FSTL5: variants seen among roughly 807,000 people sequenced by gnomAD.
The protein encoded by FSTL5 is follistatin-related protein 5.
FSTL5 carries 62 observed loss-of-function variants against 89.1 expected under a neutral mutation model. The observed-to-expected ratio is 0.70, with a 90% CI of 0.57 to 0.86. FSTL5 has a LOEUF of 0.86. Among genes scored for constraint, FSTL5 ranks in the 40% least tolerant of loss-of-function variants. The pLI is 0.00. For synonymous variants in FSTL5, 383 were observed against 346.2 expected, an observed-to-expected ratio of 1.11 and a Z score of -1.18; for missense variants, 1,057 against 1,001.6, an observed-to-expected ratio of 1.06 and a Z score of -0.75.
intron 4 of FSTL5, among the ~76,000 whole-genome samples, chr4:161,822,288 T>G (rs989859031): frequency 6.6e-6 from 1 of 152,184 alleles, no homozygotes; most frequent in South Asian, 2.1e-4. Flanking sequence ...CACAGGCCTA[T>G]TGGGCTTGTT....
intron 1 of FSTL5, among the ~76,000 whole-genome samples, chr4:162,126,302 A>G (rs1027672311): frequency 6.6e-6 from 1 of 152,022 alleles, no homozygotes; most frequent in Non-Finnish European, 1.5e-5. Context: ...TTAATATTAA[A>G]ATTATTAATT....
intron 13 of FSTL5, among the ~76,000 whole-genome samples, chr4:161,476,397 G>A (rs1734152200): frequency 6.6e-6 from 1 of 151,912 alleles, no homozygotes; most frequent in Non-Finnish European, 1.5e-5. Context: ...ATGTTGGTTA[G>A]GTTGGTCTCG....
intron 3 of FSTL5, among the ~76,000 whole-genome samples, chr4:161,976,669 G>C (rs1333938920): frequency 1.3e-5 from 2 of 152,012 alleles, no homozygotes; most frequent in Non-Finnish European, 2.9e-5. Flanking sequence ...TTTTAGTAGA[G>C]ACGGGGTTTC....
intron 7 of FSTL5, among the ~76,000 whole-genome samples, chr4:161,649,059 C>T (rs1736246712): frequency 6.6e-6 from 1 of 152,110 alleles, no homozygotes; most frequent in Non-Finnish European, 1.5e-5. Context: ...ATGCAAATAA[C>T]AAAAATTCTA....
At chr4:162,126,326 T>C (rs2111446260) in intron 1 of FSTL5, among the ~76,000 whole-genome samples, 1 of 152,202 alleles carries the variant, frequency 6.6e-6, no homozygotes, top group South Asian at 2.1e-4. Context: ...ATAATAACTT[T>C]ATTAAAATCT....
At chr4:161,759,601 T>C (rs1158126663) in intron 5 of FSTL5, 70 bp from the exon 6 acceptor site, 9 of 979,878 alleles carry the variant, frequency 9.2e-6, no homozygotes, top group South Asian at 2.5e-5. Flanking sequence ...ATTTATTATA[T>C]GTAATAATCA....
intron 4 of FSTL5, among the ~76,000 whole-genome samples, chr4:161,842,022 G>A (rs544883391): frequency 7.0e-4 from 106 of 152,236 alleles, no homozygotes; most frequent in African/African-American, 1.9e-3. Context: ...CCAACAGAGC[G>A]AGGACACCTT....
chr4:161,487,280 T>TTA (rs1319472064), intron 12 of FSTL5, among the ~76,000 whole-genome samples: 2 of 152,176 alleles, frequency 1.3e-5, no homozygotes, highest in Non-Finnish European at 2.9e-5. Context: ...GTGGTGTATG[T>TTA]TACTCAATCA....
chr4:162,009,598 A>G lies in FSTL5; in HGVS notation c.160+24027T>C, dbSNP rs532839209. On this transcript the variant is annotated intron_variant, in intron 3 of 15. Coordinates refer to ENST00000306100, the MANE Select transcript of FSTL5 (RefSeq NM_020116.5). ...CCTTTAAATTACCAGTGGACAATAT[A>G]AGAGAAAATAATACATCTTAATATA... is the stretch of plus-strand genomic sequence containing the variant. 5.3e-5 allele frequency among the ~76,000 whole-genome samples: 8 copies of G among 152,212 alleles called. No homozygotes were observed. The South Asian group carries it at 1.7e-3, about 32-fold the overall frequency.
rs534630893 is a variant in FSTL5 at position 161,724,642 on chromosome 4, C to A, written c.727+34769G>T. ...TCTATGTCTGAATGCAATAGAAAGA[C>A]AATCACACATATACAATTATTCAGT... is the stretch of plus-strand genomic sequence containing the variant. On this transcript the variant is annotated intron_variant, in intron 6 of 15. Coordinates refer to ENST00000306100, the MANE Select transcript of FSTL5 (RefSeq NM_020116.5). Among the ~76,000 whole-genome samples, 32 of 152,236 alleles carry A rather than the reference C, an allele frequency of 2.1e-4. No homozygotes were observed. The South Asian group carries it at 4.4e-3, about 21-fold the overall frequency.
chr4:161,663,754 C>T (rs574528852), intron 6 of FSTL5, among the ~76,000 whole-genome samples: 2 of 152,306 alleles, frequency 1.3e-5, no homozygotes, highest in African/African-American at 4.8e-5. Context: ...TGTGTGGGGG[C>T]TCCAACCCCA....
intron 2 of FSTL5, among the ~76,000 whole-genome samples, chr4:162,062,330 A>T (rs1738748501): frequency 6.6e-6 from 1 of 152,006 alleles, no homozygotes; most frequent in African/African-American, 2.4e-5. Context: ...CTGTATATAC[A>T]GAAAGAGAAA....
At chr4:162,110,068 T>C (rs1731374460) in intron 2 of FSTL5, among the ~76,000 whole-genome samples, 1 of 152,026 alleles carries the variant, frequency 6.6e-6, no homozygotes, top group Non-Finnish European at 1.5e-5. Flanking sequence ...CTAGATACTT[T>C]AAAAACTTAT....
At chr4:161,876,837 ATGT>A (rs535345955) in intron 4 of FSTL5, among the ~76,000 whole-genome samples, 2 of 152,240 alleles carry the variant, frequency 1.3e-5, no homozygotes, top group South Asian at 4.1e-4. Context: ...AAAGTGCACA[ATGT>A]TGTTATAAAC....
chr4:161,681,060 A>C (rs1737501971), intron 6 of FSTL5, among the ~76,000 whole-genome samples: 2 of 152,104 alleles, frequency 1.3e-5, no homozygotes, highest in African/African-American at 4.8e-5. Context: ...TACATGAGCG[A>C]GTAGCTGTGG....
chr4:161,464,179 C>A (rs766760513), intron 13 of FSTL5, among the ~76,000 whole-genome samples: 24 of 152,126 alleles, frequency 1.6e-4, no homozygotes, highest in Non-Finnish European at 2.6e-4. Flanking sequence ...GACCACCTGG[C>A]CTTACCTGAA....
chr4:161,504,944 G>T (rs979188584), intron 11 of FSTL5, among the ~76,000 whole-genome samples: 1 of 152,086 alleles, frequency 6.6e-6, no homozygotes, highest in South Asian at 2.1e-4. Flanking sequence ...AAAAGATTTT[G>T]TGATGTTTTT....
At chr4:161,725,101 CA>C (rs1739351647) in intron 6 of FSTL5, among the ~76,000 whole-genome samples, 1 of 152,216 alleles carries the variant, frequency 6.6e-6, no homozygotes, top group Non-Finnish European at 1.5e-5. Flanking sequence ...GAGGCTGAGG[CA>C]GGAGAATCAC....
chr4:161,951,561 T>C (rs186228852), intron 3 of FSTL5, among the ~76,000 whole-genome samples: 13 of 152,210 alleles, frequency 8.5e-5, no homozygotes, highest in Admixed American at 7.9e-4. Flanking sequence ...TTCTACATCT[T>C]AGAAGCAGAA....
Sources: gnomAD v4.1 joint callset for allele counts (sites outside exome capture counted in the v4.1 genomes callset) on GRCh38, gnomAD v4.1.1 for gene constraint, MANE v1.5 for transcripts, NCBI Gene and HGNC (gene_info 2026-07-23, HGNC 2026-07-21) for gene names.